The following DZIP1L variants were observed in gnomAD, a reference collection of about 807,000 sequenced individuals.
DZIP1L encodes the protein DAZ interacting zinc finger protein 1 like.
A neutral mutation model predicts 88.7 loss-of-function variants in DZIP1L; 90 were observed. That is an observed-to-expected ratio of 1.02 (90% CI 0.86 to 1.21). DZIP1L has a LOEUF of 1.21. Among genes scored for constraint, DZIP1L ranks in the 50% most tolerant of loss-of-function variants. The pLI, the probability that DZIP1L is intolerant of heterozygous loss-of-function variation, is 0.00. For missense variants in DZIP1L, 932 were observed against 955.8 expected, an observed-to-expected ratio of 0.98 and a Z score of 0.33; for synonymous variants, 363 against 372.1, an observed-to-expected ratio of 0.98 and a Z score of 0.28.
At chr3:138,087,058 T>G in intron 6 of DZIP1L, 35 bp from the exon 7 acceptor site, 365 of 1,474,248 alleles carry the variant, frequency 2.5e-4, no homozygotes, top group Non-Finnish European at 3.1e-4. Context: ...AATGGGCCCT[T>G]GCAGGTATTA....
At position 138,062,366 on chromosome 3, in the gene DZIP1L, CA is replaced by C; in HGVS notation, c.*449del. On this transcript the variant is annotated 3_prime_UTR_variant, in exon 16 of 16. Transcript: ENST00000327532. ...TAGTGAGAGGCTAGAGAGCCTGGCG[CA>C]GAGTAGGTAGGCACTCAGTAAATAA... 6.2e-6 allele frequency: 1 copy of C among 160,010 alleles called. No homozygotes were observed. Among genetic ancestry groups the C allele is most frequent in the East Asian group, 1.7e-4 (1 of 5,838 alleles). 9.9% of individuals were successfully genotyped at this position (160,010 alleles called of 1,614,324 possible). A position where few individuals can be genotyped will look rare whatever the true frequency, so the allele number is the denominator to read the frequency against.
chr3:138,069,443 G>A (rs945693112), intron 12 of DZIP1L, among the ~76,000 whole-genome samples: 5 of 152,156 alleles, frequency 3.3e-5, no homozygotes, highest in Admixed American at 6.5e-5. Flanking sequence ...TGCATGGGGG[G>A]TTTGCGCCCC....
chr3:138,113,518 G>C (rs937969201), intron 1 of DZIP1L: 5 of 152,264 alleles, frequency 3.3e-5, no homozygotes, highest in African/African-American at 1.2e-4. Flanking sequence ...GTGCCCACTG[G>C]GGGAGCTCAG....
chr3:138,088,596 C>T (rs1019104899), intron 5 of DZIP1L, 89 bp from the exon 6 acceptor site: 6 of 1,460,498 alleles, frequency 4.1e-6, no homozygotes, highest in Non-Finnish European at 5.4e-6. Flanking sequence ...AGGGGCACGC[C>T]TTACCCAACT....
intron 14 of DZIP1L, among the ~76,000 whole-genome samples, chr3:138,067,148 T>C (rs548301523): frequency 6.6e-6 from 1 of 152,186 alleles, no homozygotes; most frequent in Non-Finnish European, 1.5e-5. Flanking sequence ...GCCTCAGGCA[T>C]TCCTGGGCCC....
In DZIP1L at chr3:138,062,036, T is replaced by G. The variant is rs1332932524; in HGVS notation, c.*780A>C. ...TAAATGTTTGCATATAATATATTAA[T>G]GTTTTTCACACTAAAAATATACAAT... is the stretch of plus-strand genomic sequence containing the variant. On this transcript the variant is annotated 3_prime_UTR_variant, in exon 16 of 16. Coordinates refer to ENST00000327532, the MANE Select transcript of DZIP1L (RefSeq NM_173543.3). 6.5e-6 allele frequency: 1 copy of G among 152,676 alleles called. No individual in the cohort carries two copies. Among genetic ancestry groups the G allele is most frequent in the African/African-American group, 2.4e-5 (1 of 41,456 alleles). The allele number at this position is 152,676 out of a possible 1,614,324, so 9.5% of individuals were successfully genotyped here.
Position 138,092,543 on chromosome 3 carries a change from T to C in DZIP1L, c.710A>G (p.Glu237Gly), listed in dbSNP as rs148698535. The change falls in exon 5 of 16, where the codon GAA becomes GGA. Residue 237 changes from glutamate to glycine, a missense_variant and splice_region_variant. Transcript: ENST00000327532. ...TTCCCTCTGATGAATGAGCTCTGCTTCCTAAAAAGAAGAGCAAGAACAATA... is the reference window on the plus strand; with the variant it reads ...TTCCCTCTGATGAATGAGCTCTGCTCCCTAAAAAGAAGAGCAAGAACAATA... Reference protein sequence around the residue: ...REAERQRQLQEAELIHQREIE... With the variant: ...REAERQRQLQGAELIHQREIE... 194 of 1,565,098 alleles carry C rather than the reference T, an allele frequency of 1.2e-4. No homozygotes were observed. The African/African-American group carries it at 2.5e-3, about 20-fold the overall frequency.
At chr3:138,069,282 A>G in intron 12 of DZIP1L, 1 of 460,858 alleles carries the variant, frequency 2.2e-6, no homozygotes, top group Non-Finnish European at 3.9e-6. Context: ...TCTTTTCTCT[A>G]GCTTACTTTA....
chr3:138,086,852 G>T, intron 7 of DZIP1L, 109 bp downstream of exon 7: 1 of 1,180,206 alleles, frequency 8.5e-7, no homozygotes, highest in East Asian at 2.3e-5. Context: ...CTGCCAACCA[G>T]TTCCAGGTGA....
intron 11 of DZIP1L, among the ~76,000 whole-genome samples, chr3:138,074,951 C>CG (rs1202370965): frequency 6.6e-6 from 1 of 151,352 alleles, no homozygotes; most frequent in Non-Finnish European, 1.5e-5. Flanking sequence ...GGTAAAGGGG[C>CG]GGAAAAAAAA....
At chr3:138,077,882 C>G (rs1943486455) in intron 10 of DZIP1L, among the ~76,000 whole-genome samples, 2 of 152,240 alleles carry the variant, frequency 1.3e-5, no homozygotes, top group South Asian at 4.1e-4. Context: ...CGTTTCCATG[C>G]CAGGCTCAAT....
chr3:138,077,624 C>G lies in DZIP1L; in HGVS notation c.1297G>C (p.Asp433His). 6.2e-7 allele frequency: 1 copy of G among 1,614,100 alleles called. No individual in the cohort carries two copies. Among genetic ancestry groups the G allele is most frequent in the Middle Eastern group, 1.6e-4 (1 of 6,062 alleles). ...EEDSPEEEME[D>H]SQDEQHKVLA... ...ACCTTGTGCTGTTCATCCTGGGAGT[C>G]CTCCATCTCTGTAGCATGAGACATT... Residue 433 changes from aspartate to histidine, a missense_variant, in exon 11 of 16, where the codon GAC (aspartate) becomes CAC (histidine). Asp to His is a moderately conservative substitution (Grantham distance 81). Coordinates refer to ENST00000327532, the MANE Select transcript of DZIP1L (RefSeq NM_173543.3).
At chr3:138,102,538 TGCA>T in intron 2 of DZIP1L, 1 of 1,389,602 alleles carries the variant, frequency 7.2e-7, no homozygotes, top group Non-Finnish European at 1.0e-6. Context: ...CTTCTGCTGC[TGCA>T]GGAGGCTCCA....
In DZIP1L at chr3:138,080,482, A is replaced by C. The variant is rs1158905327; in HGVS notation, c.1288+85T>G. On this transcript the variant is annotated intron_variant, in intron 10 of 15. Transcript: ENST00000327532. ...ACTCCAGCTTCGGATGTCCAGATAC[A>C]GTTAAGTAGAGACAAACTAAACAAG... The C allele has an allele frequency of 2.8e-6, 4 of 1,454,122 alleles. No individual in the cohort carries two copies. The East Asian group carries it at 9.2e-5, about 34-fold the overall frequency. 90.1% of individuals were successfully genotyped at this position (1,454,122 alleles called of 1,614,324 possible).
chr3:138,091,708 GAAAGA>G (rs1559848334), intron 5 of DZIP1L, among the ~76,000 whole-genome samples: 3 of 141,978 alleles, frequency 2.1e-5, no homozygotes, highest in Non-Finnish European at 3.1e-5. Context: ...GAGGGAGAGA[GAAAGA>G]GAGAGAGAAA....
Position 138,097,745 on chromosome 3 carries a change from G to A in DZIP1L, c.586+18C>T. The A allele has an allele frequency of 1.2e-6, 2 of 1,602,384 alleles. No individual in the cohort carries two copies. On this transcript the variant is annotated intron_variant, in intron 3 of 15. Coordinates refer to ENST00000327532, the MANE Select transcript of DZIP1L (RefSeq NM_173543.3). ...TTCCACAGTCCCAGAAGGGGCCCGGGCTGCTGTCTGGACTCACCACCTTCT... is the reference window on the plus strand; with the variant it reads ...TTCCACAGTCCCAGAAGGGGCCCGGACTGCTGTCTGGACTCACCACCTTCT...
intron 6 of DZIP1L, 146 bp from the exon 7 acceptor site, chr3:138,087,169 A>G (rs1031139708): frequency 4.4e-6 from 3 of 676,466 alleles, no homozygotes; most frequent in South Asian, 2.0e-5. Context: ...ATGGAAATAC[A>G]TAGAAACTAA....
intron 7 of DZIP1L, among the ~76,000 whole-genome samples, chr3:138,085,135 C>A (rs918448763): frequency 6.6e-6 from 1 of 152,110 alleles, no homozygotes; most frequent in East Asian, 1.9e-4. Context: ...AAACGTTAGA[C>A]CTAAAACCAT....
At chr3:138,089,161 A>C (rs766718316) in intron 5 of DZIP1L, 121 of 985,350 alleles carry the variant, frequency 1.2e-4, no homozygotes, top group Non-Finnish European at 1.5e-4. Context: ...TTAAGGCTTT[A>C]AGGATGTAAC....
Sources: allele counts gnomAD v4.1 joint callset (sites outside exome capture counted in the v4.1 genomes callset), GRCh38; gene constraint gnomAD v4.1.1; transcripts MANE v1.5; gene names NCBI Gene and HGNC (gene_info 2026-07-23, HGNC 2026-07-21).